TTYH2: variants seen among roughly 807,000 people sequenced by gnomAD.
The protein encoded by TTYH2 is protein tweety homolog 2.
In TTYH2, 49 loss-of-function variants were observed where a neutral mutation model predicts 68.3. The observed-to-expected ratio is 0.72, with a 90% CI of 0.57 to 0.91. The LOEUF (loss-of-function observed/expected upper bound fraction) is 0.91, where lower values mean the gene tolerates loss of function less well. Ranked by LOEUF, TTYH2 falls within the 40% of genes least tolerant of loss-of-function variation. The probability of loss-of-function intolerance (pLI) is 0.00; values close to 1 mark genes in which losing one functional copy is unlikely to be tolerated. For missense variants in TTYH2, 631 were observed against 700.4 expected, an observed-to-expected ratio of 0.90 and a Z score of 1.12; for synonymous variants, 272 against 300.8, an observed-to-expected ratio of 0.90 and a Z score of 0.99.
At chr17:74,237,107 C>T (rs1461518373) in intron 3 of TTYH2, among the ~76,000 whole-genome samples, 187 bp from the exon 4 acceptor site, 1 of 151,984 alleles carries the variant, frequency 6.6e-6, no homozygotes, top group Non-Finnish European at 1.5e-5. Flanking sequence ...ACTGTGTTGC[C>T]CAGGCTGGTC....
rs1427653143 is a variant in TTYH2 at position 74,261,292 on chromosome 17, G to A, written c.*1083G>A. The A allele has an allele frequency of 1.3e-5, 2 of 152,196 alleles. No homozygotes were observed. The highest frequency in any genetic ancestry group is 2.9e-5 in the Non-Finnish European group (2 of 68,058). The allele number at this position is 152,196 out of a possible 1,614,324, so 9.4% of individuals were successfully genotyped here. On this transcript the variant is annotated 3_prime_UTR_variant, in exon 14 of 14. Coordinates refer to ENST00000269346, the MANE Select transcript of TTYH2 (RefSeq NM_032646.6). The stretch of plus-strand genomic sequence containing the variant: ...CACAGAGGGAGGATCTTTAAGAGGA[G>A]AAAAAAGCCAAGAGGGAAAGCCAGA...
chr17:74,248,874 G>T (rs1598229877), intron 6 of TTYH2, 137 bp from the exon 7 acceptor site: 1 of 1,508,118 alleles, frequency 6.6e-7, no homozygotes, highest in East Asian at 2.4e-5. Context: ...TTGAACCCAG[G>T]AGGCTGGCTC....
At chr17:74,255,301 G>C (rs1011905961) in intron 13 of TTYH2, among the ~76,000 whole-genome samples, 2 of 152,196 alleles carry the variant, frequency 1.3e-5, no homozygotes, top group African/African-American at 4.8e-5. Context: ...TTCCTCCTCG[G>C]TGGTGTGTGC....
Position 74,215,889 on chromosome 17 carries a change from G to A in TTYH2, c.129+2173G>A, listed in dbSNP as rs2050217742. Among the ~76,000 whole-genome samples the A allele has an allele frequency of 6.6e-6, 1 of 152,312 alleles. No individual in the cohort carries two copies. Among genetic ancestry groups the A allele is most frequent in the South Asian group, 2.1e-4 (1 of 4,828 alleles). On this transcript the variant is annotated intron_variant, in intron 1 of 13. Coordinates refer to ENST00000269346, the MANE Select transcript of TTYH2 (RefSeq NM_032646.6). The surrounding 1 kb of genome is among the most constrained non-coding windows in gnomAD (Gnocchi z 4.3). ...GGTAACCAAGGCAGCAGGTCTTCAG[G>A]AGAAATTGCTGGGGATTTTCTGCGG...
Position 74,249,989 on chromosome 17 carries a change from G to T in TTYH2, c.984G>T (p.Gly328=). The change falls in exon 9 of 14, where the codon GGG becomes GGT. Residue 328 remains glycine, a synonymous_variant. Transcript: ENST00000269346. ...CCACCATGCAGATCCAGGTCGCGGG[G>T]CTGCTGCAGTTTGCCGTGCCCCTCT... The part of the protein sequence containing the change: ...ALTTMQIQVA[G]LLQFAVPLFS... The T allele has an allele frequency of 6.2e-7, 1 of 1,614,130 alleles. No individual in the cohort carries two copies. The highest frequency in any genetic ancestry group is 8.5e-7 in the Non-Finnish European group (1 of 1,180,014).
chr17:74,229,991 C>T (rs962568037), intron 2 of TTYH2, among the ~76,000 whole-genome samples: 13 of 152,134 alleles, frequency 8.5e-5, no homozygotes, highest in African/African-American at 1.7e-4. Context: ...ATTAGCCAGG[C>T]GTGGTGGCGG....
rs2050215434 is a variant in TTYH2 at position 74,215,656 on chromosome 17, G to A, written c.129+1940G>A. 1 of 1,535,610 alleles carries A rather than the reference G, an allele frequency of 6.5e-7. No homozygotes were observed. The highest frequency in any genetic ancestry group is 1.4e-5 in the African/African-American group (1 of 73,050). ...GATCGCTGAGTAGGAGATGAGCGTGGTGGGCCAGGACCGGAAGTCTGGCTC... is the reference window on the plus strand; with the variant it reads ...GATCGCTGAGTAGGAGATGAGCGTGATGGGCCAGGACCGGAAGTCTGGCTC... On this transcript the variant is annotated intron_variant, in intron 1 of 13. Coordinates refer to ENST00000269346, the MANE Select transcript of TTYH2 (RefSeq NM_032646.6). This position sits in a 1 kb window ranked among gnomAD's most constrained non-coding sequence, Gnocchi z 4.3.
chr17:74,250,285 G>C lies in TTYH2; in HGVS notation c.1044G>C (p.Gln348His). 6.2e-7 allele frequency: 1 copy of C among 1,613,504 alleles called. No homozygotes were observed. ...STAEEDLLAI[Q>H]LLLNSSESSL... ...TTCAGGAAGACCTGCTTGCAATCCA[G>C]CTCCTGCTGAACTCCTCAGAGTCCA... Residue 348 changes from glutamine (Q) to histidine (H), a missense_variant, in exon 10 of 14, where the codon CAG becomes CAC. Coordinates refer to ENST00000269346, the MANE Select transcript of TTYH2 (RefSeq NM_032646.6).
chr17:74,244,293 A>C (rs902647479), intron 6 of TTYH2, among the ~76,000 whole-genome samples: 1 of 152,244 alleles, frequency 6.6e-6, no homozygotes, highest in Non-Finnish European at 1.5e-5. Flanking sequence ...TCATACCCAG[A>C]GAGAAGCCCC....
intron 4 of TTYH2, among the ~76,000 whole-genome samples, chr17:74,240,643 G>A (rs55734700): frequency 0.41 from 62,758 of 152,040 alleles, 13,717 homozygotes; most frequent in African/African-American, 0.55. Flanking sequence ...CAGCAAAGCA[G>A]ATATTTCCTA....
rs775836557 is a variant in TTYH2 at position 74,253,859 on chromosome 17, G to A, written c.1524+26G>A. 9 of 1,612,394 alleles carry A rather than the reference G, an allele frequency of 5.6e-6. No homozygotes were observed. The African/African-American group carries it at 1.1e-4, about 19-fold the overall frequency. ...GTAATTGGGGCTCTGGCCCTTCCTT[G>A]TTGGGGTAATACATAAAGACAAAAC... On this transcript the variant is annotated intron_variant, in intron 13 of 13. Transcript: ENST00000269346.
In TTYH2 at chr17:74,249,390, C is replaced by T. The variant is rs1417059234; in HGVS notation, c.921C>T (p.Pro307=). The T allele has an allele frequency of 2.5e-6, 4 of 1,614,044 alleles. No homozygotes were observed. The South Asian group carries it at 4.4e-5, about 18-fold the overall frequency. ...YLYCSQSGSS[P]FQQTLTTFQR... ...ATTGCAGCCAGAGTGGAAGCAGCCC[C>T]TTCCAGCAGGTATGGCCCCCCGAGG... Residue 307 remains proline, a synonymous_variant, in exon 8 of 14, where the codon CCC becomes CCT. Coordinates refer to ENST00000269346, the MANE Select transcript of TTYH2 (RefSeq NM_032646.6).
intron 13 of TTYH2, among the ~76,000 whole-genome samples, chr17:74,254,364 C>G (rs2050671517): frequency 6.6e-6 from 1 of 152,156 alleles, no homozygotes; most frequent in Non-Finnish European, 1.5e-5. Context: ...GATGGGGTTT[C>G]TCCATGATGG....
intron 10 of TTYH2, among the ~76,000 whole-genome samples, chr17:74,251,047 C>T (rs541689732): frequency 7.6e-6 from 1 of 130,810 alleles, no homozygotes; most frequent in Admixed American, 7.3e-5. Flanking sequence ...TGTGCACGTG[C>T]GTGTGTCTGT....
intron 2 of TTYH2, among the ~76,000 whole-genome samples, chr17:74,229,628 T>C (rs2050367056): frequency 6.6e-6 from 1 of 152,164 alleles, no homozygotes; most frequent in Non-Finnish European, 1.5e-5. Flanking sequence ...AAGATGTCTT[T>C]AACAGGTGAA....
intron 4 of TTYH2, among the ~76,000 whole-genome samples, chr17:74,238,522 C>T (rs1324808937): frequency 6.6e-6 from 1 of 152,140 alleles, no homozygotes; most frequent in Non-Finnish European, 1.5e-5. Flanking sequence ...CCTCAGCCTC[C>T]TGAGTAGCTG....
At chr17:74,247,074 C>T (rs1388776152) in intron 6 of TTYH2, among the ~76,000 whole-genome samples, 4 of 150,824 alleles carry the variant, frequency 2.7e-5, no homozygotes, top group South Asian at 2.1e-4. Flanking sequence ...CTCAGCTACT[C>T]GGGAGACTGA....
chr17:74,216,867 ACT>A (rs1179709369), intron 1 of TTYH2, among the ~76,000 whole-genome samples: 1 of 152,196 alleles, frequency 6.6e-6, no homozygotes, highest in Non-Finnish European at 1.5e-5. Flanking sequence ...GACGATTCCT[ACT>A]CTAAAGAGAT....
Position 74,237,287 on chromosome 17 carries a change from T to A in TTYH2, c.415-7T>A, listed in dbSNP as rs1212644466. 1 of 1,613,702 alleles carries A rather than the reference T, an allele frequency of 6.2e-7. No homozygotes were observed. The highest frequency in any genetic ancestry group is 2.2e-5 in the East Asian group (1 of 44,868). ...CTCCATGGCTTTTGCCCCCTGCTCC[T>A]CCCTAGGTTTCCGGAACTACCCAGA... On this transcript the variant is annotated splice_polypyrimidine_tract_variant and splice_region_variant and intron_variant, in intron 3 of 13. Coordinates refer to ENST00000269346, the MANE Select transcript of TTYH2 (RefSeq NM_032646.6).
Sources: allele counts gnomAD v4.1 joint callset (sites outside exome capture counted in the v4.1 genomes callset), GRCh38; gene constraint gnomAD v4.1.1; non-coding constraint Gnocchi (gnomAD v3.1); transcripts MANE v1.5; gene names NCBI Gene and HGNC (gene_info 2026-07-23, HGNC 2026-07-21).